Variants in CACTIN observed in about 807,000 individuals in gnomAD.
CACTIN encodes cactin, spliceosome C complex subunit, also known as splicing factor Cactin.
Under a neutral mutation model 84.9 loss-of-function variants are expected in CACTIN, and 20 were observed. That is an observed-to-expected ratio of 0.24 (90% CI 0.17 to 0.34). The LOEUF is 0.34. CACTIN is among the 10% of genes least tolerant of loss of function. The pLI is 1.00. For missense variants in CACTIN, 897 were observed against 1,117.2 expected, an observed-to-expected ratio of 0.80 and a Z score of 2.81; for synonymous variants, 549 against 467.9, an observed-to-expected ratio of 1.17 and a Z score of -2.24.
At chr19:3,617,332 A>G (rs2033124401) in intron 6 of CACTIN, among the ~76,000 whole-genome samples, 2 of 152,260 alleles carry the variant, frequency 1.3e-5, no homozygotes, top group African/African-American at 4.8e-5. Context: ...GATCCAGGAC[A>G]GGGGCTCTGT....
chr19:3,625,312 A>G (rs1305225925), intron 1 of CACTIN, among the ~76,000 whole-genome samples: 2 of 152,246 alleles, frequency 1.3e-5, no homozygotes, highest in Non-Finnish European at 2.9e-5. Flanking sequence ...GCCCTTAAAT[A>G]TTGGCCACAA....
rs1197557345 is a variant in CACTIN, at chr19:3,611,046, G to A, written c.*877C>T. 2.3e-6 allele frequency: 1 copy of A among 432,888 alleles called. No individual in the cohort carries two copies. The highest frequency in any genetic ancestry group is 4.7e-6 in the Non-Finnish European group (1 of 212,832). 26.8% of individuals were successfully genotyped at this position (432,888 alleles called of 1,614,324 possible). A position where few individuals can be genotyped will look rare whatever the true frequency, so the allele number is the denominator to read the frequency against. ...CGGGGTCACTGGTCTCATGCTCCAA[G>A]GCCCCGTGAGCAGGCCAGGTGGGGG... is the stretch of plus-strand genomic sequence containing the variant. On this transcript the variant is annotated 3_prime_UTR_variant, in exon 10 of 10. Transcript: ENST00000429344.
chr19:3,614,252 C>G (rs2033053391), intron 7 of CACTIN, 145 bp downstream of exon 7: 1 of 858,348 alleles, frequency 1.2e-6, no homozygotes, highest in Admixed American at 2.1e-5. Flanking sequence ...CACAGGCTGG[C>G]CCCGGCCAGT....
At position 3,624,071 on chromosome 19, in the gene CACTIN, G is replaced by C. The variant is rs2033284875; in HGVS notation, c.259C>G (p.Gln87Glu). ...PKWHSRDGSS[Q>E]SDSGEEQSRG... ...GACTGCTCCTCTCCTGAGTCCGACT[G>C]AGAGGACCCATCTCTTGAGTGCCAC... The change falls in exon 2 of 10, where the codon CAG becomes GAG. Residue 87 changes from glutamine to glutamate, a missense_variant. Transcript: ENST00000429344. The C allele has an allele frequency of 1.2e-6, 2 of 1,602,724 alleles. No homozygotes were observed. Among genetic ancestry groups the C allele is most frequent in the Non-Finnish European group, 1.7e-6 (2 of 1,179,444 alleles).
chr19:3,620,679 C>T (rs2033204777), intron 3 of CACTIN, 28 bp downstream of exon 3: 4 of 1,582,186 alleles, frequency 2.5e-6, no homozygotes, highest in African/African-American at 2.7e-5. Flanking sequence ...AGGGAGGGCC[C>T]TGCCCAGTGG....
At position 3,611,813 on chromosome 19, in the gene CACTIN, G is replaced by C; in HGVS notation, c.*110C>G. On this transcript the variant is annotated 3_prime_UTR_variant, in exon 10 of 10. Coordinates refer to ENST00000429344, the MANE Select transcript of CACTIN (RefSeq NM_001080543.2). The stretch of plus-strand genomic sequence containing the variant: ...AGAAAGATGCGGCCTGAGGTGGGAC[G>C]TGAACCCGCGGCCCTGCAGCCCAGA... 7.3e-7 allele frequency: 1 copy of C among 1,372,728 alleles called. No individual in the cohort carries two copies. The highest frequency in any genetic ancestry group is 2.5e-5 in the East Asian group (1 of 40,336). The allele number at this position is 1,372,728 out of a possible 1,614,324, so 85.0% of individuals were successfully genotyped here.
chr19:3,622,042 C>A (rs946845403), intron 2 of CACTIN, among the ~76,000 whole-genome samples: 1 of 152,150 alleles, frequency 6.6e-6, no homozygotes, highest in Non-Finnish European at 1.5e-5. Context: ...CCCGTCTGAA[C>A]CCCTGCAGCT....
At position 3,610,684 on chromosome 19, in the gene CACTIN, C is replaced by A; in HGVS notation, c.*1239G>T. On this transcript the variant is annotated 3_prime_UTR_variant, in exon 10 of 10. Coordinates refer to ENST00000429344, the MANE Select transcript of CACTIN (RefSeq NM_001080543.2). ...AACGTTTATTAAAAAAACATGCGAT[C>A]TTGCCAATAGGCCAATTCCATGAGA... is the stretch of plus-strand genomic sequence containing the variant. The A allele has an allele frequency of 2.2e-6, 1 of 454,818 alleles. No homozygotes were observed. The highest frequency in any genetic ancestry group is 1.6e-5 in the South Asian group (1 of 64,014). The allele number at this position is 454,818 out of a possible 1,614,324, so 28.2% of individuals were successfully genotyped here.
Position 3,623,881 on chromosome 19 carries a change from C to A in CACTIN, c.449G>T (p.Arg150Leu), listed in dbSNP as rs575056664. Residue 150 changes from arginine to leucine, a missense_variant, in exon 2 of 10, where the codon CGG (arginine) becomes CTG (leucine). Physicochemically the swap from Arg to Leu is moderately radical, Grantham distance 102. Transcript: ENST00000429344. The stretch of plus-strand genomic sequence containing the variant: ...CTTCATCAGCTCCTCCTGCTGCTTC[C>A]GCTCCTCCCGCAGCCGCAGCCGCTC... ...LQERLRLREERKQQEELMKAF... is the reference protein window; with the variant it reads ...LQERLRLREELKQQEELMKAF... 1.9e-6 allele frequency: 3 copies of A among 1,607,726 alleles called. No homozygotes were observed. In the Admixed American group the frequency reaches 5.0e-5, roughly 27 times the overall value.
In CACTIN at chr19:3,611,231, G is replaced by A. The variant is rs1043603626; in HGVS notation, c.*692C>T. 23 of 440,070 alleles carry A rather than the reference G, an allele frequency of 5.2e-5. No homozygotes were observed. The highest frequency in any genetic ancestry group is 2.1e-4 in the South Asian group (13 of 62,584). 27.3% of individuals were successfully genotyped at this position (440,070 alleles called of 1,614,324 possible). A position where few individuals can be genotyped will look rare whatever the true frequency, so the allele number is the denominator to read the frequency against. On this transcript the variant is annotated 3_prime_UTR_variant, in exon 10 of 10. Transcript: ENST00000429344. ...GGACCTCGACGCATCCTCCATACCC[G>A]CTGCGGGGAAATGGACCCCACCAGC...
intron 2 of CACTIN, among the ~76,000 whole-genome samples, chr19:3,621,637 G>A (rs2033226494): frequency 1.3e-5 from 2 of 152,262 alleles, no homozygotes; most frequent in African/African-American, 4.8e-5. Context: ...AGCTCACGGT[G>A]GTGCCCAGCA....
intron 2 of CACTIN, chr19:3,621,178 C>T (rs1473442835): frequency 1.3e-5 from 5 of 384,420 alleles, no homozygotes; most frequent in African/African-American, 8.3e-5. Context: ...CTGAGTGCTT[C>T]GGACGTGAAG....
chr19:3,612,369 T>C lies in CACTIN; in HGVS notation c.1831A>G (p.Lys611Glu). The C allele has an allele frequency of 6.2e-7, 1 of 1,606,754 alleles. No homozygotes were observed. Among genetic ancestry groups the C allele is most frequent in the African/African-American group, 1.3e-5 (1 of 75,022 alleles). ...SAEDIFFRRA[K>E]EGMGQDEAQF... ...GCCTCGTCCTGGCCCATGCCCTCCT[T>C]GGCCCGCCGGAAGAAGATGTCCTCG... The change falls in exon 10 of 10, where the codon AAG becomes GAG. Residue 611 changes from lysine (K) to glutamate (E), a missense_variant. This residue lies in a region of CACTIN where 243 missense variants were observed against 239.9 expected (regional missense o/e 1.01). Coordinates refer to ENST00000429344, the MANE Select transcript of CACTIN (RefSeq NM_001080543.2).
At chr19:3,619,270 A>G in intron 4 of CACTIN, 28 bp from the exon 5 acceptor site, 1 of 1,607,006 alleles carries the variant, frequency 6.2e-7, no homozygotes, top group African/African-American at 1.3e-5. Context: ...AGGTGGCATC[A>G]GAGCCTGGGC....
chr19:3,623,849 C>G lies in CACTIN; in HGVS notation c.481G>C (p.Glu161Gln). 2 of 1,611,574 alleles carry G rather than the reference C, an allele frequency of 1.2e-6. No individual in the cohort carries two copies. The highest frequency in any genetic ancestry group is 1.7e-6 in the Non-Finnish European group (2 of 1,179,874). The change falls in exon 2 of 10, where the codon GAG becomes CAG. Residue 161 changes from glutamate to glutamine, a missense_variant. Glu to Gln is a conservative substitution (Grantham distance 29). Coordinates refer to ENST00000429344, the MANE Select transcript of CACTIN (RefSeq NM_001080543.2). ...KQQEELMKAFETPEEKRARRL... is the reference protein window; with the variant it reads ...KQQEELMKAFQTPEEKRARRL... ...CGTGCGCGCTTCTCCTCGGGCGTCT[C>G]GAAGGCCTTCATCAGCTCCTCCTGC...
intron 6 of CACTIN, 63 bp from the exon 7 acceptor site, chr19:3,614,652 C>T (rs1020426685): frequency 2.2e-6 from 3 of 1,379,604 alleles, no homozygotes; most frequent in East Asian, 2.5e-5. Flanking sequence ...TCCACCCCAT[C>T]AGGGCCTCCT....
chr19:3,619,978 G>T lies in CACTIN; in HGVS notation c.884+149C>A, dbSNP rs569007842. 7 of 938,538 alleles carry T rather than the reference G, an allele frequency of 7.5e-6. No homozygotes were observed. In the South Asian group the frequency reaches 9.8e-5, roughly 13 times the overall value. 58.1% of individuals were successfully genotyped at this position (938,538 alleles called of 1,614,324 possible). On this transcript the variant is annotated intron_variant, in intron 4 of 9. Coordinates refer to ENST00000429344, the MANE Select transcript of CACTIN (RefSeq NM_001080543.2). ...GGGGAGGGCAGGAGACAGAAGCCTT[G>T]CCGCCCGGGAAGGGGTCAGGAAGGG... is the stretch of plus-strand genomic sequence containing the variant.
chr19:3,614,659 TCCTCCCCTGCCATGGGGGGGTCCC>T, intron 6 of CACTIN, 70 bp from the exon 7 acceptor site: 2 of 1,304,130 alleles, frequency 1.5e-6, no homozygotes, highest in South Asian at 2.5e-5. Flanking sequence ...CATCAGGGCC[TCCTCCCCTGCCATGGGGGGGTCCC>T]CCTCCCCTCC....
At chr19:3,619,956 G>A (rs2033188105) in intron 4 of CACTIN, among the ~76,000 whole-genome samples, 171 bp downstream of exon 4, 1 of 152,186 alleles carries the variant, frequency 6.6e-6, no homozygotes, top group African/African-American at 2.4e-5. Flanking sequence ...CCCAGCAGGG[G>A]AGGGCAGGAG....
Sources: gnomAD v4.1 joint callset for allele counts (sites outside exome capture counted in the v4.1 genomes callset) on GRCh38, gnomAD v4.1.1 for gene constraint, gnomAD v4.1.1 regional missense constraint, MANE v1.5 for transcripts, NCBI Gene and HGNC (gene_info 2026-07-23, HGNC 2026-07-21) for gene names.